Variants in SORCS1 observed in about 807,000 individuals in gnomAD.
SORCS1 encodes VPS10 domain-containing receptor SorCS1.
In SORCS1, 60 loss-of-function variants were observed where a neutral mutation model predicts 146.1. The observed-to-expected ratio is 0.41, with a 90% confidence interval of 0.33 to 0.51. SORCS1 has a LOEUF of 0.51. Ranked by LOEUF, SORCS1 falls within the 20% of genes least tolerant of loss-of-function variation. SORCS1 has a pLI of 0.21. For missense variants in SORCS1, 1,352 were observed against 1,487.6 expected (o/e 0.91, Z 1.50); for synonymous variants, 637 against 584.0 (o/e 1.09, Z -1.31).
chr10:106,709,108 C>G, intron 7 of SORCS1, 115 bp downstream of exon 7: 6 of 732,634 alleles, frequency 8.2e-6, no homozygotes, highest in South Asian at 1.7e-5. Context: ...CTACCTCCTT[C>G]CCTCCCTCCC....
At chr10:107,157,014 G>C (rs994151507) in intron 1 of SORCS1, among the ~76,000 whole-genome samples, 1 of 152,188 alleles carries the variant, frequency 6.6e-6, no homozygotes, top group African/African-American at 2.4e-5. Context: ...CTTTTCATGA[G>C]GCTCCTTGTT....
intron 16 of SORCS1, 93 bp downstream of exon 16, chr10:106,671,144 G>A (rs1220294334): frequency 8.4e-6 from 13 of 1,548,924 alleles, no homozygotes; most frequent in Non-Finnish European, 1.1e-5. Flanking sequence ...TTAGCCCTAT[G>A]TATGTTACTA....
At chr10:106,925,761 A>G (rs956679183) in intron 2 of SORCS1, among the ~76,000 whole-genome samples, 3 of 152,208 alleles carry the variant, frequency 2.0e-5, no homozygotes, top group Non-Finnish European at 4.4e-5. Flanking sequence ...GCAAAACAAC[A>G]CAACAGAGAA....
At chr10:107,154,315 T>G (rs757909921) in intron 1 of SORCS1, among the ~76,000 whole-genome samples, 1 of 152,170 alleles carries the variant, frequency 6.6e-6, no homozygotes, top group Non-Finnish European at 1.5e-5. Flanking sequence ...CAGGTATATT[T>G]CTAGGGACTT....
chr10:106,629,291 A>C lies in SORCS1; in HGVS notation c.2573T>G (p.Val858Gly). ...ACGGAAAATGCCCACGTTCTGATAGACGTGTTTGATCCCATCTTCCATGGA... is the reference window on the plus strand; with the variant it reads ...ACGGAAAATGCCCACGTTCTGATAGCCGTGTTTGATCCCATCTTCCATGGA... ...LSSMEDGIKH[V>G]YQNVGIFRVT... The change falls in exon 19 of 26, where the codon GTC becomes GGC. Residue 858 changes from valine to glycine, a missense_variant. Val to Gly is a moderately radical substitution (Grantham distance 109). Around this residue, in one of 3 missense-constraint regions of SORCS1, gnomAD observed 648 missense variants for 793.8 expected, o/e 0.82. Transcript: ENST00000263054. The C allele has an allele frequency of 6.2e-7, 1 of 1,614,160 alleles. No individual in the cohort carries two copies. The highest frequency in any genetic ancestry group is 8.5e-7 in the Non-Finnish European group (1 of 1,180,020).
chr10:106,997,949 G>A (rs531420738), intron 1 of SORCS1, among the ~76,000 whole-genome samples: 5 of 152,278 alleles, frequency 3.3e-5, no homozygotes, highest in Admixed American at 1.3e-4. Context: ...CTTTGCATTC[G>A]TGACCATATA....
chr10:107,057,429 C>G (rs537460926), intron 1 of SORCS1, among the ~76,000 whole-genome samples: 1 of 152,288 alleles, frequency 6.6e-6, no homozygotes, highest in East Asian at 1.9e-4. Flanking sequence ...CAGTCTCTGT[C>G]TCTTGGGAGT....
At chr10:106,885,702 C>A (rs887681018) in intron 2 of SORCS1, among the ~76,000 whole-genome samples, 6 of 152,102 alleles carry the variant, frequency 3.9e-5, no homozygotes, top group South Asian at 2.1e-4. Flanking sequence ...GTGTCCCCCC[C>A]CAAATCTCAT....
chr10:107,089,823 C>T (rs1964049827), intron 1 of SORCS1, among the ~76,000 whole-genome samples: 1 of 152,120 alleles, frequency 6.6e-6, no homozygotes, highest in South Asian at 2.1e-4. Context: ...AAAAATGGCA[C>T]AAAACTAGAT....
intron 2 of SORCS1, among the ~76,000 whole-genome samples, chr10:106,850,442 G>C (rs1351033205): frequency 6.6e-6 from 1 of 152,004 alleles, no homozygotes; most frequent in Admixed American, 6.5e-5. Context: ...CCCTGCTTCG[G>C]CTCGCACACG....
At chr10:107,031,272 T>C (rs1958642280) in intron 1 of SORCS1, among the ~76,000 whole-genome samples, 1 of 152,212 alleles carries the variant, frequency 6.6e-6, no homozygotes, top group African/African-American at 2.4e-5. Flanking sequence ...CTTCATTTGG[T>C]TTCATCAAAA....
intron 2 of SORCS1, among the ~76,000 whole-genome samples, chr10:106,894,124 A>G (rs964107535): frequency 6.6e-6 from 1 of 152,198 alleles, no homozygotes; most frequent in Non-Finnish European, 1.5e-5. Context: ...ATTCGTTTTT[A>G]TCTAATAACA....
chr10:106,721,893 A>G (rs914268142), intron 6 of SORCS1, among the ~76,000 whole-genome samples: 1 of 152,206 alleles, frequency 6.6e-6, no homozygotes, highest in Non-Finnish European at 1.5e-5. Context: ...ATTACTAAAT[A>G]TAGTTGACTT....
intron 1 of SORCS1, among the ~76,000 whole-genome samples, chr10:107,063,931 A>G (rs1961485791): frequency 6.6e-6 from 1 of 152,208 alleles, no homozygotes; most frequent in Non-Finnish European, 1.5e-5. Flanking sequence ...TGAATGTAGA[A>G]TGGGAAGAAC....
chr10:107,047,064 C>A (rs1220224485), intron 1 of SORCS1, among the ~76,000 whole-genome samples: 1 of 152,214 alleles, frequency 6.6e-6, no homozygotes, highest in Non-Finnish European at 1.5e-5. Context: ...TCTCATCTCA[C>A]CGCAACCTCT....
At chr10:106,647,945 G>C (rs1849571140) in intron 18 of SORCS1, among the ~76,000 whole-genome samples, 1 of 152,160 alleles carries the variant, frequency 6.6e-6, no homozygotes, top group African/African-American at 2.4e-5. Flanking sequence ...ATGGTTGACT[G>C]TAGCTTTGAA....
intron 1 of SORCS1, among the ~76,000 whole-genome samples, chr10:107,134,025 T>C (rs939090320): frequency 1.3e-5 from 2 of 152,196 alleles, no homozygotes; most frequent in Non-Finnish European, 2.9e-5. Context: ...TCTCTCCCTA[T>C]GCACTGCTAC....
At chr10:107,169,744 G>C in the SORCS1 span, among the ~76,000 whole-genome samples, 1 of 152,094 alleles carries the variant, frequency 6.6e-6, no homozygotes, top group African/African-American at 2.4e-5. Flanking sequence ...ATTTATCTAA[G>C]GTCACAGACT....
chr10:106,751,601 G>A (rs1008314495), intron 5 of SORCS1, among the ~76,000 whole-genome samples: 11 of 152,160 alleles, frequency 7.2e-5, no homozygotes, highest in African/African-American at 2.4e-4. Context: ...AAATAGCCTA[G>A]TGCATGGAAA....
Sources: gnomAD v4.1 joint callset for allele counts (sites outside exome capture counted in the v4.1 genomes callset) on GRCh38, gnomAD v4.1.1 for gene constraint, gnomAD v4.1.1 regional missense constraint, MANE v1.5 for transcripts, NCBI Gene and HGNC (gene_info 2026-07-23, HGNC 2026-07-21) for gene names.